The following PPA2 variants were observed in gnomAD, a reference collection of about 807,000 sequenced individuals.
The protein encoded by PPA2 is inorganic pyrophosphatase 2, mitochondrial.
A neutral mutation model predicts 49.5 loss-of-function variants in PPA2; 48 were observed. The ratio of observed to expected loss-of-function variants is 0.97; its 90% CI spans 0.77 to 1.23. The LOEUF is 1.23. Among genes scored for constraint, PPA2 ranks in the 50% most tolerant of loss-of-function variants. The pLI is 0.00. For synonymous variants in PPA2, 131 were observed against 139.9 expected (o/e 0.94, Z 0.45); for missense variants, 429 against 410.1 (o/e 1.05, Z -0.40).
At chr4:105,450,921 G>A (rs1433289901) in intron 3 of PPA2, among the ~76,000 whole-genome samples, 1 of 152,012 alleles carries the variant, frequency 6.6e-6, no homozygotes, top group Non-Finnish European at 1.5e-5. Flanking sequence ...CTTTTCTAAC[G>A]ATTCATGTTG....
At chr4:105,471,448 A>G (rs1181870086) in intron 1 of PPA2, among the ~76,000 whole-genome samples, 1 of 152,182 alleles carries the variant, frequency 6.6e-6, no homozygotes, top group Non-Finnish European at 1.5e-5. Flanking sequence ...GAAGCTCGAA[A>G]ATGTTCTACC....
intron 7 of PPA2, among the ~76,000 whole-genome samples, chr4:105,418,887 G>A (rs1723126561): frequency 6.6e-6 from 1 of 152,164 alleles, no homozygotes; most frequent in African/African-American, 2.4e-5. Flanking sequence ...ATCTGAAGCT[G>A]TACATTATAG....
In PPA2 at chr4:105,369,681, C is replaced by CTTGGAGTT; in HGVS notation, c.*43_*44insAACTCCAA. On this transcript the variant is annotated 3_prime_UTR_variant, in exon 12 of 12. Coordinates refer to ENST00000341695, the MANE Select transcript of PPA2 (RefSeq NM_176869.3). ...CCCCCTTGTCTCTAGCACTTGGAGT[C>CTTGGAGTT]CTTAGAGATGGGAATCTTGACAGCA... is the stretch of plus-strand genomic sequence containing the variant. 8.6e-7 allele frequency: 1 copy of CTTGGAGTT among 1,161,932 alleles called. No individual in the cohort carries two copies. Among genetic ancestry groups the CTTGGAGTT allele is most frequent in the Non-Finnish European group, 1.2e-6 (1 of 841,946 alleles). 72.0% of individuals were successfully genotyped at this position (1,161,932 alleles called of 1,614,324 possible).
At chr4:105,428,526 C>CAA (rs35821105) in intron 6 of PPA2, among the ~76,000 whole-genome samples, 193 of 144,052 alleles carry the variant, frequency 1.3e-3, no homozygotes, top group South Asian at 6.2e-3. Context: ...AAATGGAAAG[C>CAA]AAAAAAAAAA....
At position 105,474,006 on chromosome 4, in the gene PPA2, A is replaced by G. The variant is rs1433850517; in HGVS notation, c.45T>C (p.Ala15=). ...LRLLRTGAPA[A]ACLRLGTSAG... is the part of the protein sequence containing the mutation. The stretch of plus-strand genomic sequence containing the variant: ...CACTGGTCCCCAACCGCAGGCACGC[A>G]GCGGCTGGGGCACCCGTGCGCAGCA... Residue 15 remains alanine (A), a synonymous_variant, in exon 1 of 12, where the codon GCT becomes GCC. Transcript: ENST00000341695. The G allele has an allele frequency of 6.2e-7, 1 of 1,604,828 alleles. No individual in the cohort carries two copies. The highest frequency in any genetic ancestry group is 2.2e-5 in the East Asian group (1 of 44,490).
intron 9 of PPA2, among the ~76,000 whole-genome samples, chr4:105,391,121 TG>T (rs1001894741): frequency 6.6e-6 from 1 of 151,012 alleles, no homozygotes; most frequent in African/African-American, 2.4e-5. Context: ...CACTTACAAG[TG>T]GGGGCTGAAC....
intron 7 of PPA2, among the ~76,000 whole-genome samples, chr4:105,408,783 GAT>G (rs1470438181): frequency 6.6e-6 from 1 of 152,122 alleles, no homozygotes; most frequent in Non-Finnish European, 1.5e-5. Flanking sequence ...TGTGCTAAAA[GAT>G]ATACAAGATA....
At chr4:105,461,537 T>C (rs2110324591) in intron 1 of PPA2, among the ~76,000 whole-genome samples, 1 of 152,292 alleles carries the variant, frequency 6.6e-6, no homozygotes, top group East Asian at 1.9e-4. Flanking sequence ...GGAAGAAAAC[T>C]TAATGGCAGT....
chr4:105,436,853 T>A (rs1419768087), intron 6 of PPA2, among the ~76,000 whole-genome samples: 1 of 152,070 alleles, frequency 6.6e-6, no homozygotes, highest in Non-Finnish European at 1.5e-5. Flanking sequence ...TGTTAAGATC[T>A]GAAACTATAA....
At chr4:105,408,569 G>A (rs755918539) in intron 7 of PPA2, among the ~76,000 whole-genome samples, 1 of 152,152 alleles carries the variant, frequency 6.6e-6, no homozygotes, top group Non-Finnish European at 1.5e-5. Context: ...AAAGATATTT[G>A]AGGTCAAATT....
chr4:105,370,387 C>G (rs67209101), intron 11 of PPA2, among the ~76,000 whole-genome samples: 18,641 of 151,892 alleles, frequency 0.12, 1,205 homozygotes, highest in African/African-American at 0.15. Flanking sequence ...AGCATTTTTA[C>G]TTGTTTATTA....
chr4:105,436,227 TAC>T (rs368827719), intron 6 of PPA2, among the ~76,000 whole-genome samples: 9 of 149,818 alleles, frequency 6.0e-5, no homozygotes, highest in Non-Finnish European at 9.0e-5. Flanking sequence ...ACACGCATCA[TAC>T]ACACACACAC....
chr4:105,444,074 A>G (rs1000872049), intron 5 of PPA2, among the ~76,000 whole-genome samples: 2 of 152,238 alleles, frequency 1.3e-5, no homozygotes, highest in African/African-American at 4.8e-5. Context: ...TAAAAGCTCC[A>G]GAGAAATATC....
At chr4:105,400,459 A>G (rs981949044) in intron 7 of PPA2, among the ~76,000 whole-genome samples, 4 of 152,022 alleles carry the variant, frequency 2.6e-5, no homozygotes, top group Admixed American at 6.6e-5. Flanking sequence ...GTGAAACCCC[A>G]TATCTACTAA....
intron 6 of PPA2, among the ~76,000 whole-genome samples, chr4:105,432,351 A>G (rs1280795181): frequency 5.3e-5 from 8 of 152,222 alleles, no homozygotes; most frequent in Admixed American, 4.6e-4. Context: ...TCAAAAAAAT[A>G]CAAACATTTA....
At chr4:105,424,174 T>C (rs767701894) in intron 7 of PPA2, 22 bp downstream of exon 7, 4 of 1,593,596 alleles carry the variant, frequency 2.5e-6, no homozygotes, top group Non-Finnish European at 3.4e-6. Context: ...TGCTTTCACT[T>C]TCTGGAAAGT....
At chr4:105,404,912 T>C (rs1722390542) in intron 7 of PPA2, among the ~76,000 whole-genome samples, 1 of 151,998 alleles carries the variant, frequency 6.6e-6, no homozygotes, top group Non-Finnish European at 1.5e-5. Context: ...AAACCCTGTC[T>C]CTACTAAAAA....
chr4:105,452,667 T>C (rs767805962), intron 3 of PPA2, among the ~76,000 whole-genome samples: 3 of 151,960 alleles, frequency 2.0e-5, no homozygotes, highest in Admixed American at 6.6e-5. Context: ...TAAGTTTCAG[T>C]TGGGGTAGAG....
intron 10 of PPA2, 31 bp downstream of exon 10, chr4:105,386,536 T>C: frequency 6.3e-7 from 1 of 1,579,760 alleles, no homozygotes; most frequent in Non-Finnish European, 8.7e-7. Flanking sequence ...ATTTATAAGA[T>C]TAAAGGATGT....
Sources: gnomAD v4.1 joint callset for allele counts (sites outside exome capture counted in the v4.1 genomes callset) on GRCh38, gnomAD v4.1.1 for gene constraint, MANE v1.5 for transcripts, NCBI Gene and HGNC (gene_info 2026-07-23, HGNC 2026-07-21) for gene names.